MYO1C: variants seen among roughly 807,000 people sequenced by gnomAD.
MYO1C encodes myosin IC, also known as unconventional myosin-Ic.
In MYO1C, 104 loss-of-function variants were observed where a neutral mutation model predicts 150.8. The ratio of observed to expected loss-of-function variants is 0.69; its 90% CI spans 0.59 to 0.81. The LOEUF (loss-of-function observed/expected upper bound fraction) is 0.81. Ranked by LOEUF, MYO1C falls within the 30% of genes least tolerant of loss-of-function variation. MYO1C has a pLI of 0.00. For synonymous variants in MYO1C, 663 were observed against 579.9 expected (o/e 1.14, Z -2.06); for missense variants, 1,504 against 1,435.0 (o/e 1.05, Z -0.78).
In MYO1C at chr17:1,472,233, C is replaced by A. The variant is rs764321602; in HGVS notation, c.1798-5G>T. On this transcript the variant is annotated splice_polypyrimidine_tract_variant and splice_region_variant and intron_variant, in intron 17 of 31. Coordinates refer to ENST00000648651, the MANE Select transcript of MYO1C (RefSeq NM_001080779.2). ...CATCTTGAACTGGGTGGCGACCTGG[C>A]GAGCCAAGAGGCATGGGAGGTTGGC... 6.2e-7 allele frequency: 1 copy of A among 1,613,288 alleles called. No homozygotes were observed. The highest frequency in any genetic ancestry group is 1.3e-5 in the African/African-American group (1 of 74,912).
At chr17:1,471,875 C>CTTCCCTG in intron 19 of MYO1C, 32 bp downstream of exon 19, 1 of 1,606,242 alleles carries the variant, frequency 6.2e-7, no homozygotes, top group African/African-American at 1.3e-5. Flanking sequence ...TCCCGCTCCC[C>CTTCCCTG]TTCCCTGGCA....
chr17:1,467,057 C>A (rs1342230651), intron 31 of MYO1C, among the ~76,000 whole-genome samples, 185 bp downstream of exon 31: 1 of 152,204 alleles, frequency 6.6e-6, no homozygotes. Context: ...CGTGCTGCCA[C>A]CTTTACAACT....
chr17:1,484,225 C>A lies in MYO1C; in HGVS notation c.154G>T (p.Val52Leu), dbSNP rs373994901. Residue 52 changes from valine to leucine, a missense_variant, in exon 2 of 32, where the codon GTG becomes TTG. By Grantham distance (32) the Val-to-Leu change is conservative (BLOSUM62 1). Transcript: ENST00000648651. The part of the protein sequence containing the change: ...ARDRVGVQDF[V>L]LLENFTSEAA... Reference sequence around the variant, plus strand: ...TCGCTGGTGAAGTTCTCCAGCAGCACGAAATCCTGCACCCCCACCCGGTCA... The same window carrying A: ...TCGCTGGTGAAGTTCTCCAGCAGCAAGAAATCCTGCACCCCCACCCGGTCA... 3.7e-6 allele frequency: 6 copies of A among 1,612,892 alleles called. No homozygotes were observed. The highest frequency in any genetic ancestry group is 5.1e-6 in the Non-Finnish European group (6 of 1,180,012).
chr17:1,471,934 C>T lies in MYO1C; in HGVS notation c.1994G>A (p.Arg665His), dbSNP rs866542506. ...LRVRRAGFAY[R>H]RKYEAFLQRY... ...TTGCAGGAAAGCTTCGTATTTGCGG[C>T]GATAGGCAAAGCCGGCTCTGCGCAC... Residue 665 changes from arginine (R) to histidine (H), a missense_variant, in exon 19 of 32, where the codon CGC becomes CAC. By Grantham distance (29) the Arg-to-His change is conservative (BLOSUM62 0). Coordinates refer to ENST00000648651, the MANE Select transcript of MYO1C (RefSeq NM_001080779.2). 5.6e-6 allele frequency: 9 copies of T among 1,613,984 alleles called. No individual in the cohort carries two copies. The highest frequency in any genetic ancestry group is 4.4e-5 in the South Asian group (4 of 91,096).
At chr17:1,471,464 G>A (rs139019148) in intron 19 of MYO1C, 128 bp from the exon 20 acceptor site, 13 of 751,492 alleles carry the variant, frequency 1.7e-5, no homozygotes, top group Non-Finnish European at 2.3e-5. Context: ...AGGCTCACTC[G>A]GTCACTGCCC....
rs934640072 is a variant in MYO1C at position 1,482,897 on chromosome 17, C to T, written c.510G>A (p.Val170=). Residue 170 remains valine (V), a synonymous_variant, in exon 4 of 32, where the codon GTG becomes GTA. Transcript: ENST00000648651. ...TCPAPERGGA[V]RDRLLQSNPV... ...GGTTGCTCTGTAGCAGCCGGTCCCG[C>T]ACGGCACCTCCGCGCTCGGGGGCTG... is the stretch of plus-strand genomic sequence containing the variant. The T allele has an allele frequency of 6.2e-7, 1 of 1,612,068 alleles. No homozygotes were observed. The highest frequency in any genetic ancestry group is 8.5e-7 in the Non-Finnish European group (1 of 1,179,934).
In MYO1C at chr17:1,467,255, C is replaced by T. The variant is rs142107935; in HGVS notation, c.3152G>A (p.Gly1051Glu). Reference sequence around the variant, plus strand: ...GGCCCCACTCACCACAGCCAGGTGCCCGTTCTTGGCCTTGGTGATGAGCAG... The same window carrying T: ...GGCCCCACTCACCACAGCCAGGTGCTCGTTCTTGGCCTTGGTGATGAGCAG... ...SELLITKAKN[G>E]HLAVVAPRLN... Residue 1051 changes from glycine (G) to glutamate (E), a missense_variant, in exon 31 of 32, where the codon GGG (glycine) becomes GAG (glutamate). Transcript: ENST00000648651. The T allele has an allele frequency of 6.2e-7, 1 of 1,612,754 alleles. No homozygotes were observed. Among genetic ancestry groups the T allele is most frequent in the African/African-American group, 1.3e-5 (1 of 75,024 alleles).
In MYO1C at chr17:1,469,607, T is replaced by A; in HGVS notation, c.2534A>T (p.Glu845Val). The A allele has an allele frequency of 1.2e-6, 2 of 1,611,874 alleles. No homozygotes were observed. The highest frequency in any genetic ancestry group is 1.7e-6 in the Non-Finnish European group (2 of 1,178,980). Reference protein sequence around the residue: ...TPPPALREASELLRELCIKNM... With the variant: ...TPPPALREASVLLRELCIKNM... The stretch of plus-strand genomic sequence containing the variant: ...CTTTATGCACAACTCCCGCAGAAGC[T>A]CTGAGGCCTAAGGGGAGGAGTGAGG... Residue 845 changes from glutamate to valine, a missense_variant, in exon 25 of 32, where the codon GAG becomes GTG. By Grantham distance (121) the Glu-to-Val change is moderately radical (BLOSUM62 -2). Coordinates refer to ENST00000648651, the MANE Select transcript of MYO1C (RefSeq NM_001080779.2).
Position 1,471,239 on chromosome 17 carries a change from C to G in MYO1C, c.2119G>C (p.Glu707Gln), listed in dbSNP as rs1341131962. 6.2e-7 allele frequency: 1 copy of G among 1,614,030 alleles called. No individual in the cohort carries two copies. Among genetic ancestry groups the G allele is most frequent in the East Asian group, 2.2e-5 (1 of 44,880 alleles). The change falls in exon 20 of 32, where the codon GAG (glutamate) becomes CAG (glutamine). Residue 707 changes from glutamate to glutamine, a missense_variant. Coordinates refer to ENST00000648651, the MANE Select transcript of MYO1C (RefSeq NM_001080779.2). ...ACTACCCACCTGCCCATCTTGTACTCTTCTGGCTTGTAGCCCAGGTGTCGG... is the reference window on the plus strand; with the variant it reads ...ACTACCCACCTGCCCATCTTGTACTGTTCTGGCTTGTAGCCCAGGTGTCGG... The part of the protein sequence containing the change: ...LVRHLGYKPE[E>Q]YKMGRTKIFI...
At chr17:1,472,837 C>T (rs1402364895) in intron 17 of MYO1C, among the ~76,000 whole-genome samples, 1 of 152,068 alleles carries the variant, frequency 6.6e-6, no homozygotes, top group African/African-American at 2.4e-5. Context: ...CAGGGAAGGA[C>T]TGAGGGGGAG....
chr17:1,470,626 C>A lies in MYO1C; in HGVS notation c.2276G>T (p.Arg759Ile), dbSNP rs775309762. 1 of 1,604,118 alleles carries A rather than the reference C, an allele frequency of 6.2e-7. No individual in the cohort carries two copies. Among genetic ancestry groups the A allele is most frequent in the Non-Finnish European group, 8.5e-7 (1 of 1,175,256 alleles). ...ACACCCATGGGCCCGCGAACCTGATCTCTTCACCCGGAGGAATTTCTGCCG... is the reference window on the plus strand; with the variant it reads ...ACACCCATGGGCCCGCGAACCTGATATCTTCACCCGGAGGAATTTCTGCCG... ...HWRQKFLRVK[R>I]SAICIQSWWR... The change falls in exon 22 of 32, where the codon AGA becomes ATA. Residue 759 changes from arginine to isoleucine, a missense_variant. Physicochemically the swap from Arg to Ile is moderately conservative, Grantham distance 97 (BLOSUM62 -3). Coordinates refer to ENST00000648651, the MANE Select transcript of MYO1C (RefSeq NM_001080779.2).
chr17:1,470,700 G>A lies in MYO1C; in HGVS notation c.2213-11C>T. 1 of 1,601,020 alleles carries A rather than the reference G, an allele frequency of 6.2e-7. No homozygotes were observed. Among genetic ancestry groups the A allele is most frequent in the Non-Finnish European group, 8.5e-7 (1 of 1,178,804 alleles). On this transcript the variant is annotated splice_polypyrimidine_tract_variant and intron_variant, in intron 21 of 31. Transcript: ENST00000648651. ...CTTGGATCTTTGTGGCTGCGGTTGG[G>A]AAAGAAAGGCAATTGGCCAGAGCGC...
intron 1 of MYO1C, among the ~76,000 whole-genome samples, chr17:1,488,161 C>G (rs186396296): frequency 6.6e-6 from 1 of 152,276 alleles, no homozygotes; most frequent in African/African-American, 2.4e-5. Context: ...TCCGCCCCGC[C>G]CCTCCACGTC....
At chr17:1,467,602 G>C in intron 29 of MYO1C, 25 bp from the exon 30 acceptor site, 1 of 1,607,272 alleles carries the variant, frequency 6.2e-7, no homozygotes. Flanking sequence ...AGGAGGAGGG[G>C]TCAGGCCCTG....
intron 1 of MYO1C, chr17:1,485,722 C>T (rs1439704856): frequency 1.7e-6 from 2 of 1,165,614 alleles, no homozygotes; most frequent in South Asian, 4.0e-5. Flanking sequence ...CCTGCCCGGC[C>T]GGCCTGGCGC....
At chr17:1,486,418 C>A (rs1402725429) in intron 1 of MYO1C, among the ~76,000 whole-genome samples, 1 of 152,122 alleles carries the variant, frequency 6.6e-6, no homozygotes, top group East Asian at 1.9e-4. Flanking sequence ...CTGGGAAATT[C>A]GCGTCCCCCC....
intron 5 of MYO1C, 83 bp downstream of exon 5, chr17:1,482,395 A>G (rs2150959248): frequency 8.1e-7 from 1 of 1,234,362 alleles, no homozygotes; most frequent in East Asian, 2.3e-5. Context: ...CAGCACCTGG[A>G]ATAGTCCCTG....
rs201404300 is a variant in MYO1C, at chr17:1,482,981, G to A, written c.426C>T (p.Ser142=). 301 of 1,612,464 alleles carry A rather than the reference G, an allele frequency of 1.9e-4. 1 individual carries two copies. In the South Asian group the frequency reaches 2.7e-3, roughly 15 times the overall value. The change falls in exon 4 of 32, where the codon AGC becomes AGT. Residue 142 remains serine, a synonymous_variant. Transcript: ENST00000648651. ...RDQAVMISGE[S]GAGKTEATKR... Reference sequence around the variant, plus strand: ...TGGTGGCCTCGGTCTTGCCTGCCCCGCTCTCCCCAGAGATCATCACAGCCT... The same window carrying A: ...TGGTGGCCTCGGTCTTGCCTGCCCCACTCTCCCCAGAGATCATCACAGCCT...
At chr17:1,480,144 C>CAAAAAAA (rs34326248) in intron 7 of MYO1C, among the ~76,000 whole-genome samples, 1 of 42,680 alleles carries the variant, frequency 2.3e-5, no homozygotes, top group Non-Finnish European at 4.4e-5. Context: ...GACTCCATCT[C>CAAAAAAA]AAAAAAAAAA....
Sources: gnomAD v4.1 joint callset for allele counts (sites outside exome capture counted in the v4.1 genomes callset) on GRCh38, gnomAD v4.1.1 for gene constraint, MANE v1.5 for transcripts, NCBI Gene and HGNC (gene_info 2026-07-23, HGNC 2026-07-21) for gene names.